The following PIK3C2G variants were observed in gnomAD, a reference collection of about 807,000 sequenced individuals.
PIK3C2G encodes the protein phosphatidylinositol 3-kinase C2 domain-containing subunit gamma.
A neutral mutation model predicts 181.1 loss-of-function variants in PIK3C2G; 168 were observed. That is an observed-to-expected ratio of 0.93 (90% CI 0.82 to 1.05). The LOEUF is 1.05. PIK3C2G is among the 50% of genes least tolerant of loss of function. PIK3C2G has a pLI of 0.00. For synonymous variants in PIK3C2G, 573 were observed against 592.2 expected (o/e 0.97, Z 0.47); for missense variants, 1,869 against 1,732.8 (o/e 1.08, Z -1.40).
chr12:18,531,688 A>G (rs1943562823), intron 24 of PIK3C2G, among the ~76,000 whole-genome samples: 1 of 152,242 alleles, frequency 6.6e-6, no homozygotes, highest in Admixed American at 6.5e-5. Context: ...CTGAAGATTA[A>G]TTCAAGCTGT....
chr12:18,410,227 T>C (rs771101930), intron 16 of PIK3C2G, among the ~76,000 whole-genome samples: 1 of 152,130 alleles, frequency 6.6e-6, no homozygotes, highest in East Asian at 1.9e-4. Context: ...AGGCCAGGCA[T>C]AGTGGCTCAC....
At chr12:18,370,321 C>T (rs975525777) in intron 12 of PIK3C2G, among the ~76,000 whole-genome samples, 2 of 152,106 alleles carry the variant, frequency 1.3e-5, no homozygotes, top group African/African-American at 4.8e-5. Flanking sequence ...TCGAGTTTTT[C>T]TCATCATTAA....
downstream of PIK3C2G, among the ~76,000 whole-genome samples, chr12:18,649,583 A>G (rs1199246289): frequency 6.6e-6 from 1 of 152,086 alleles, no homozygotes; most frequent in African/African-American, 2.4e-5. Flanking sequence ...AAACTCTTCA[A>G]AATGGTTGTC....
At chr12:18,340,443 T>C (rs1353014370) in intron 9 of PIK3C2G, among the ~76,000 whole-genome samples, 2 of 152,212 alleles carry the variant, frequency 1.3e-5, no homozygotes, top group African/African-American at 2.4e-5. Context: ...CAGTATGTTT[T>C]GAAAACAACT....
chr12:18,523,661 TTAA>T (rs1943051889), intron 24 of PIK3C2G, among the ~76,000 whole-genome samples: 1 of 152,212 alleles, frequency 6.6e-6, no homozygotes, highest in Non-Finnish European at 1.5e-5. Context: ...TGGGAAAGAC[TTAA>T]TGCAAGCATT....
At chr12:18,445,836 T>G (rs1946991549) in intron 18 of PIK3C2G, among the ~76,000 whole-genome samples, 1 of 152,206 alleles carries the variant, frequency 6.6e-6, no homozygotes, top group Non-Finnish European at 1.5e-5. Flanking sequence ...ATTCTACTAT[T>G]CACGTAAAAG....
chr12:18,685,349 T>C, the PIK3C2G span: 2 of 160,616 alleles, frequency 1.2e-5, no homozygotes, highest in Admixed American at 6.1e-5. Flanking sequence ...TTTAACAGAA[T>C]CAAGAAATTC....
At chr12:18,354,088 T>C (rs1372806151) in intron 11 of PIK3C2G, among the ~76,000 whole-genome samples, 1 of 152,260 alleles carries the variant, frequency 6.6e-6, no homozygotes, top group African/African-American at 2.4e-5. Flanking sequence ...AGCAGTCTGC[T>C]TCTCAGTGTT....
the PIK3C2G span, among the ~76,000 whole-genome samples, chr12:18,726,308 T>G: frequency 6.6e-6 from 1 of 152,160 alleles, no homozygotes; most frequent in African/African-American, 2.4e-5. Flanking sequence ...ATAAGAGTAA[T>G]AAAATCATTT....
At chr12:18,672,134 T>C in the PIK3C2G span, among the ~76,000 whole-genome samples, 1 of 152,220 alleles carries the variant, frequency 6.6e-6, no homozygotes, top group Non-Finnish European at 1.5e-5. Flanking sequence ...AAGAGATTAT[T>C]TTATTTTGCA....
At chr12:18,709,704 A>G in the PIK3C2G span, among the ~76,000 whole-genome samples, 4 of 152,030 alleles carry the variant, frequency 2.6e-5, no homozygotes, top group African/African-American at 9.7e-5. Flanking sequence ...CAACATAACA[A>G]TACCACACCC....
intron 32 of PIK3C2G, among the ~76,000 whole-genome samples, chr12:18,646,950 G>T (rs1457521966): frequency 6.6e-6 from 1 of 151,912 alleles, no homozygotes; most frequent in Admixed American, 6.6e-5. Context: ...ACGTGAAACT[G>T]TATATACAGC....
intron 29 of PIK3C2G, among the ~76,000 whole-genome samples, chr12:18,588,070 C>A (rs976065154): frequency 4.6e-5 from 7 of 151,958 alleles, no homozygotes; most frequent in Non-Finnish European, 8.8e-5. Context: ...TGAAACTGGA[C>A]CCCTTCTTTA....
chr12:18,566,923 G>C, intron 28 of PIK3C2G, 26 bp from the exon 29 acceptor site: 1 of 1,202,808 alleles, frequency 8.3e-7, no homozygotes, highest in Non-Finnish European at 1.2e-6. Context: ...AACTAATGAA[G>C]ATAACTTTTT....
At chr12:18,655,230 T>G in the PIK3C2G span, among the ~76,000 whole-genome samples, 1 of 152,068 alleles carries the variant, frequency 6.6e-6, no homozygotes, top group Non-Finnish European at 1.5e-5. Flanking sequence ...CAACTGCAGC[T>G]TCAGGTAAAG....
chr12:18,520,940 G>A (rs1371297945), intron 24 of PIK3C2G, among the ~76,000 whole-genome samples: 1 of 152,020 alleles, frequency 6.6e-6, no homozygotes, highest in African/African-American at 2.4e-5. Context: ...GACCTTTTTT[G>A]TTGATGCTGT....
rs1008961135 is a variant in PIK3C2G, at chr12:18,394,710, C to T, written c.2126+3458C>T. Among the ~76,000 whole-genome samples the T allele has an allele frequency of 1.8e-4, 28 of 151,676 alleles. 1 individual carries two copies. Among genetic ancestry groups the T allele is most frequent in the Admixed American group, 6.6e-5 (1 of 15,208 alleles). On this transcript the variant is annotated intron_variant, in intron 15 of 32. Coordinates refer to ENST00000538779, the MANE Select transcript of PIK3C2G (RefSeq NM_001288772.2). ...ATTGTGAAATGCAAGAAAAAAAGAA[C>T]GGTGAGCTTGAAGACAGGGCAATAG...
intron 1 of PIK3C2G, among the ~76,000 whole-genome samples, chr12:18,249,511 T>G (rs569071149): frequency 6.6e-6 from 1 of 152,306 alleles, no homozygotes; most frequent in East Asian, 1.9e-4. Flanking sequence ...ATAAACCATG[T>G]TTCATAAATT....
chr12:18,426,859 A>G (rs1945844765), intron 18 of PIK3C2G, among the ~76,000 whole-genome samples: 1 of 152,244 alleles, frequency 6.6e-6, no homozygotes, highest in East Asian at 1.9e-4. Context: ...TAAAAAGCAG[A>G]ACAATTCCTC....
Sources: allele counts gnomAD v4.1 joint callset (sites outside exome capture counted in the v4.1 genomes callset), GRCh38; gene constraint gnomAD v4.1.1; transcripts MANE v1.5; gene names NCBI Gene and HGNC (gene_info 2026-07-23, HGNC 2026-07-21).